Variants in STAU2 observed in about 807,000 individuals in gnomAD.
STAU2 encodes the protein staufen double-stranded RNA binding protein 2.
STAU2 carries 20 observed loss-of-function variants against 65.9 expected under a neutral mutation model. That is an observed-to-expected ratio of 0.30 (90% CI 0.21 to 0.44). The LOEUF is 0.44. Ranked by LOEUF, STAU2 falls within the 20% of genes least tolerant of loss-of-function variation. The pLI is 1.00. For missense variants in STAU2, 558 were observed against 683.9 expected (o/e 0.82, Z 2.05); for synonymous variants, 232 against 233.9 (o/e 0.99, Z 0.07).
chr8:73,533,964 C>T (rs1220388878), intron 13 of STAU2, among the ~76,000 whole-genome samples: 1 of 152,162 alleles, frequency 6.6e-6, no homozygotes, highest in Non-Finnish European at 1.5e-5. Context: ...AACTGCTTGT[C>T]TGTCGGATGT....
intron 13 of STAU2, among the ~76,000 whole-genome samples, chr8:73,522,688 TATC>T (rs1823105663): frequency 6.6e-6 from 1 of 152,204 alleles, no homozygotes; most frequent in South Asian, 2.1e-4. Context: ...GAATTTCTAA[TATC>T]ATATTTGTTG....
chr8:73,598,866 A>G (rs1811411215), intron 10 of STAU2, among the ~76,000 whole-genome samples: 1 of 152,200 alleles, frequency 6.6e-6, no homozygotes, highest in South Asian at 2.1e-4. Context: ...TCCACATTCA[A>G]GTAGAAGATG....
At chr8:73,585,952 C>G (rs1006873396) in intron 11 of STAU2, among the ~76,000 whole-genome samples, 3 of 152,194 alleles carry the variant, frequency 2.0e-5, no homozygotes, top group African/African-American at 7.2e-5. Context: ...GTATTCATTT[C>G]TCTTTCCTGC....
At position 73,454,398 on chromosome 8, in the gene STAU2, G is replaced by C. The variant is rs529362620; in HGVS notation, c.1531-31696C>G. On this transcript the variant is annotated intron_variant, in intron 13 of 14. Transcript: ENST00000524300. ...TGTAACCTAATTTTTACAATGTTAA[G>C]TGGGCCTACCTTCAACTCACATAGT... Among the ~76,000 whole-genome samples, 3 of 152,296 alleles carry C rather than the reference G, an allele frequency of 2.0e-5. No individual in the cohort carries two copies. In the South Asian group the frequency reaches 6.2e-4, roughly 32 times the overall value.
chr8:73,578,702 A>C (rs940372352), intron 12 of STAU2, among the ~76,000 whole-genome samples: 6 of 152,138 alleles, frequency 3.9e-5, no homozygotes, highest in African/African-American at 1.4e-4. Flanking sequence ...GTAACCCACC[A>C]ATCCTTCTAA....
intron 13 of STAU2, among the ~76,000 whole-genome samples, chr8:73,522,276 T>C (rs1585925214): frequency 6.6e-6 from 1 of 152,130 alleles, no homozygotes; most frequent in Non-Finnish European, 1.5e-5. Context: ...CATCTAAAAG[T>C]GATGAGGAAA....
At chr8:73,594,357 G>A (rs1436238915) in intron 11 of STAU2, among the ~76,000 whole-genome samples, 2 of 152,204 alleles carry the variant, frequency 1.3e-5, no homozygotes, top group African/African-American at 4.8e-5. Flanking sequence ...CTTTTAAAAT[G>A]TGTTCCTGTA....
intron 6 of STAU2, among the ~76,000 whole-genome samples, chr8:73,617,883 C>T (rs928011691): frequency 9.9e-5 from 15 of 151,632 alleles, no homozygotes; most frequent in African/African-American, 2.7e-4. Flanking sequence ...AGAAATGGAC[C>T]GACTACAATG....
chr8:73,674,416 A>G (rs1488003602), intron 5 of STAU2, among the ~76,000 whole-genome samples: 5 of 151,934 alleles, frequency 3.3e-5, no homozygotes, highest in Non-Finnish European at 7.4e-5. Flanking sequence ...CAGTAATCAC[A>G]TTGTTAGTAA....
intron 13 of STAU2, among the ~76,000 whole-genome samples, chr8:73,503,561 A>AT (rs1821879933): frequency 8.4e-6 from 1 of 119,526 alleles, no homozygotes; most frequent in African/African-American, 2.7e-5. Flanking sequence ...ATCCAACAGC[A>AT]CTTTTTTTTT....
chr8:73,503,360 T>C (rs1388922611), intron 13 of STAU2, among the ~76,000 whole-genome samples: 5 of 152,278 alleles, frequency 3.3e-5, no homozygotes, highest in South Asian at 4.1e-4. Context: ...ATAGCAGGGC[T>C]CATTTCCTTG....
chr8:73,670,378 G>A (rs1273735731), intron 6 of STAU2: 1 of 151,826 alleles, frequency 6.6e-6, no homozygotes, highest in East Asian at 1.9e-4. Context: ...ATTACCTAAG[G>A]GAGAAAAAGA....
intron 13 of STAU2, among the ~76,000 whole-genome samples, chr8:73,481,078 T>C (rs1350867028): frequency 6.6e-6 from 1 of 152,142 alleles, no homozygotes; most frequent in Non-Finnish European, 1.5e-5. Flanking sequence ...TGTACCCACC[T>C]GCCAGGTTAA....
chr8:73,583,783 T>C (rs1049567937), intron 11 of STAU2, among the ~76,000 whole-genome samples: 7 of 152,234 alleles, frequency 4.6e-5, no homozygotes, highest in African/African-American at 1.7e-4. Context: ...TTCTGACTTT[T>C]GCCAAATGAT....
intron 12 of STAU2, among the ~76,000 whole-genome samples, chr8:73,568,946 G>C (rs1480840886): frequency 6.6e-6 from 1 of 152,142 alleles, no homozygotes; most frequent in Non-Finnish European, 1.5e-5. Flanking sequence ...TTCCAACTGA[G>C]GTACCAGGTT....
intron 4 of STAU2, among the ~76,000 whole-genome samples, chr8:73,691,057 A>G (rs1386502305): frequency 6.6e-6 from 1 of 152,196 alleles, no homozygotes; most frequent in African/African-American, 2.4e-5. Flanking sequence ...AAATACCCAC[A>G]TAAATGACCT....
At position 73,721,313 on chromosome 8, in the gene STAU2, A is replaced by G. The variant is rs1022177010; in HGVS notation, c.-17-12151T>C. Reference sequence around the variant, plus strand: ...AAAAAAAAAAAAAAAAAAAAAAAAAAAAGTCCTTTATGGCCCAAAATACAG... The same window carrying G: ...AAAAAAAAAAAAAAAAAAAAAAAAAGAAGTCCTTTATGGCCCAAAATACAG... On this transcript the variant is annotated intron_variant, in intron 3 of 14. Coordinates refer to ENST00000524300, the MANE Select transcript of STAU2 (RefSeq NM_001164380.2). Among the ~76,000 whole-genome samples the G allele has an allele frequency of 1.5e-4, 23 of 149,854 alleles. 1 individual carries two copies. Among genetic ancestry groups the G allele is most frequent in the Non-Finnish European group, 3.4e-4 (23 of 67,440 alleles).
rs184071273 is a variant in STAU2, at chr8:73,736,982, A to C, written c.-18+1302T>G. 5.0e-4 allele frequency among the ~76,000 whole-genome samples: 76 copies of C among 152,294 alleles called. 1 individual carries two copies. The South Asian group carries it at 0.012, about 23-fold the overall frequency. ...TGGGTTCAAGCAACTCTTCTGCCTC[A>C]GCCTCCCAAGTAGCTGGGACTACAG... On this transcript the variant is annotated intron_variant, in intron 3 of 14. Transcript: ENST00000524300.
At chr8:73,518,130 T>C (rs1822840818) in intron 13 of STAU2, among the ~76,000 whole-genome samples, 1 of 152,248 alleles carries the variant, frequency 6.6e-6, no homozygotes. Flanking sequence ...AACTTTCTTT[T>C]AACACTCTGA....
Sources: gnomAD v4.1 joint callset for allele counts (sites outside exome capture counted in the v4.1 genomes callset) on GRCh38, gnomAD v4.1.1 for gene constraint, MANE v1.5 for transcripts, NCBI Gene and HGNC (gene_info 2026-07-23, HGNC 2026-07-21) for gene names.